DOCK9: variants seen among roughly 807,000 people sequenced by gnomAD.
DOCK9 encodes dedicator of cytokinesis protein 9.
A neutral mutation model predicts 263.3 loss-of-function variants in DOCK9; 89 were observed. That is an observed-to-expected ratio of 0.34 (90% CI 0.28 to 0.40). DOCK9 has a LOEUF of 0.40. Among genes scored for constraint, DOCK9 ranks in the 10% least tolerant of loss-of-function variants. DOCK9 has a pLI of 1.00. For missense variants in DOCK9, 2,140 were observed against 2,603.4 expected (o/e 0.82, Z 3.87); for synonymous variants, 976 against 973.1 (o/e 1.00, Z -0.06).
chr13:99,032,650 AATTT>A (rs1887473438), intron 1 of DOCK9, among the ~76,000 whole-genome samples: 1 of 144,234 alleles, frequency 6.9e-6, no homozygotes, highest in South Asian at 2.2e-4. Context: ...ACATGACATA[AATTT>A]ATTAATTTAC....
Position 98,888,428 on chromosome 13 carries a change from T to C in DOCK9, c.1909A>G (p.Ile637Val), listed in dbSNP as rs573972538. The C allele has an allele frequency of 1.8e-4, 293 of 1,613,928 alleles. 3 individuals carry two copies. In the South Asian group the frequency reaches 2.6e-3, roughly 14 times the overall value. Residue 637 changes from isoleucine (I) to valine (V), a missense_variant, in exon 17 of 53, where the codon ATC (isoleucine) becomes GTC (valine). Coordinates refer to ENST00000682017, the MANE Select transcript of DOCK9 (RefSeq NM_001366683.2). ...TAAACGTAAAGGTGATTGGTGTAGATGGTGTAAGGCTGAGTGTGTTTTGGT... is the reference window on the plus strand; with the variant it reads ...TAAACGTAAAGGTGATTGGTGTAGACGGTGTAAGGCTGAGTGTGTTTTGGT... Reference protein sequence around the residue: ...CIPKHTQPYTIYTNHLYVYPK... With the variant: ...CIPKHTQPYTVYTNHLYVYPK...
chr13:99,072,199 C>A (rs2041709246), intron 1 of DOCK9, among the ~76,000 whole-genome samples: 1 of 152,160 alleles, frequency 6.6e-6, no homozygotes, highest in Non-Finnish European at 1.5e-5. Context: ...ATGACGGTAT[C>A]CTTCAATGAT....
intron 27 of DOCK9, among the ~76,000 whole-genome samples, chr13:98,870,409 G>C (rs550562563): frequency 1.3e-5 from 2 of 152,154 alleles, no homozygotes; most frequent in South Asian, 4.1e-4. Context: ...TCTATATCCT[G>C]AGATGACAGC....
chr13:99,076,195 G>A (rs183083900), intron 1 of DOCK9, among the ~76,000 whole-genome samples: 8 of 152,272 alleles, frequency 5.3e-5, no homozygotes, highest in East Asian at 1.9e-4. Flanking sequence ...CACCATCCAC[G>A]TGCTCCTTGC....
At chr13:99,085,830 AGAGGGAGGCCGGGG>A (rs2042309722) in intron 1 of DOCK9, among the ~76,000 whole-genome samples, 2 of 99,380 alleles carry the variant, frequency 2.0e-5, no homozygotes, top group Admixed American at 2.3e-4. Flanking sequence ...ACATGGAAGG[AGAGGGAGGCCGGGG>A]GAGGGATACG....
At position 98,952,855 on chromosome 13, in the gene DOCK9, A is replaced by G. The variant is rs144923650; in HGVS notation, c.243+2580T>C. On this transcript the variant is annotated intron_variant, in intron 2 of 52. Coordinates refer to ENST00000682017, the MANE Select transcript of DOCK9 (RefSeq NM_001366683.2). Reference sequence around the variant, plus strand: ...TTTAATAGTTAACTTATACTGCTAAATTATTTAAGTGCAGTAAATCACCCC... The same window carrying G: ...TTTAATAGTTAACTTATACTGCTAAGTTATTTAAGTGCAGTAAATCACCCC... Among the ~76,000 whole-genome samples the G allele has an allele frequency of 3.4e-3, 524 of 152,342 alleles. 2 individuals are homozygous for G. The highest frequency in any genetic ancestry group is 0.012 in the African/African-American group (499 of 41,586).
intron 1 of DOCK9, among the ~76,000 whole-genome samples, chr13:99,045,303 C>T (rs78772880): frequency 0.02 from 2,966 of 152,092 alleles, 43 homozygotes; most frequent in Non-Finnish European, 0.03. Flanking sequence ...TGGTGTATAC[C>T]GTATATACAC....
At chr13:99,087,665 A>C (rs1221205225), upstream of DOCK9, among the ~76,000 whole-genome samples, 1 of 152,056 alleles carries the variant, frequency 6.6e-6, no homozygotes, top group Admixed American at 6.5e-5. Context: ...TAACCCTCAC[A>C]GGGCCGCGGA....
intron 33 of DOCK9, chr13:98,856,904 G>T (rs555582158): frequency 6.6e-6 from 1 of 152,180 alleles, no homozygotes; most frequent in African/African-American, 2.4e-5. Context: ...GGAATATCTG[G>T]GAATCTGCTA....
intron 5 of DOCK9, 60 bp downstream of exon 5, chr13:98,923,242 T>A (rs2052364610): frequency 6.7e-7 from 1 of 1,502,370 alleles, no homozygotes. Context: ...CTTCTAAGTC[T>A]GTAAAATTGA....
At chr13:98,867,200 T>A (rs1760100378) in intron 30 of DOCK9, 2 of 569,930 alleles carry the variant, frequency 3.5e-6, no homozygotes, top group Non-Finnish European at 6.2e-6. Flanking sequence ...GATTTTTCAA[T>A]GAAATAGCCA....
In DOCK9 at chr13:98,797,550, C is replaced by T. The variant is rs367627683; in HGVS notation, c.5917-61G>A. Reference sequence around the variant, plus strand: ...AAGAAAATCACCATGACCATCTGCTCAGTTTCAGTTTGCAGGCACTAAAAA... The same window carrying T: ...AAGAAAATCACCATGACCATCTGCTTAGTTTCAGTTTGCAGGCACTAAAAA... On this transcript the variant is annotated intron_variant, in intron 50 of 52. Coordinates refer to ENST00000682017, the MANE Select transcript of DOCK9 (RefSeq NM_001366683.2). The T allele has an allele frequency of 1.5e-3, 2,198 of 1,447,508 alleles. 45 individuals are homozygous for T. In the South Asian group the frequency reaches 0.025, roughly 16 times the overall value. 89.7% of individuals were successfully genotyped at this position (1,447,508 alleles called of 1,614,324 possible).
intron 1 of DOCK9, among the ~76,000 whole-genome samples, chr13:98,983,994 G>A (rs1877865080): frequency 6.6e-6 from 1 of 152,160 alleles, no homozygotes; most frequent in African/African-American, 2.4e-5. Context: ...CTAGTCTAGT[G>A]TCTCTTAGCC....
chr13:98,936,300 A>G (rs1567020423), intron 2 of DOCK9, among the ~76,000 whole-genome samples: 3 of 152,132 alleles, frequency 2.0e-5, no homozygotes, highest in Non-Finnish European at 4.4e-5. Context: ...TTCCTTTGAG[A>G]ACAGGAGATA....
At chr13:99,076,904 G>C (rs1250505836) in intron 1 of DOCK9, among the ~76,000 whole-genome samples, 1 of 152,214 alleles carries the variant, frequency 6.6e-6, no homozygotes, top group African/African-American at 2.4e-5. Context: ...GAAAGGAACA[G>C]GCAGTGCATG....
intron 45 of DOCK9, among the ~76,000 whole-genome samples, chr13:98,822,927 A>G (rs1024114682): frequency 2.0e-5 from 3 of 152,098 alleles, no homozygotes; most frequent in African/African-American, 7.2e-5. Context: ...TGGTTCTTAA[A>G]CTTTTTGAGC....
At chr13:99,061,720 C>T (rs984034238) in intron 1 of DOCK9, among the ~76,000 whole-genome samples, 1 of 152,084 alleles carries the variant, frequency 6.6e-6, no homozygotes, top group Non-Finnish European at 1.5e-5. Flanking sequence ...CTTCCTTTTC[C>T]TTCTCACCAC....
intron 1 of DOCK9, among the ~76,000 whole-genome samples, chr13:99,054,999 T>A (rs899558406): frequency 6.6e-6 from 1 of 152,236 alleles, no homozygotes; most frequent in Non-Finnish European, 1.5e-5. Flanking sequence ...GAATTGCTAA[T>A]AGTAGAAATG....
At chr13:98,978,737 T>C (rs187874477), upstream of DOCK9, among the ~76,000 whole-genome samples, 9 of 152,208 alleles carry the variant, frequency 5.9e-5, no homozygotes, top group Non-Finnish European at 1.2e-4. Flanking sequence ...ATCTCTCCCT[T>C]CAAAGAACTT....
Sources: gnomAD v4.1 joint callset for allele counts (sites outside exome capture counted in the v4.1 genomes callset) on GRCh38, gnomAD v4.1.1 for gene constraint, MANE v1.5 for transcripts, NCBI Gene and HGNC (gene_info 2026-07-23, HGNC 2026-07-21) for gene names.